TTC39A: variants seen among roughly 807,000 people sequenced by gnomAD.
TTC39A encodes tetratricopeptide repeat domain 39A.
TTC39A carries 46 observed loss-of-function variants against 82.3 expected under a neutral mutation model. The ratio of observed to expected loss-of-function variants is 0.56; its 90% CI spans 0.44 to 0.71. TTC39A has a LOEUF of 0.71. Ranked by LOEUF, TTC39A falls within the 30% of genes least tolerant of loss-of-function variation. TTC39A has a pLI of 0.00. For missense variants in TTC39A, 543 were observed against 712.9 expected (o/e 0.76, Z 2.71); for synonymous variants, 254 against 275.2 (o/e 0.92, Z 0.76).
intron 1 of TTC39A, chr1:51,344,970 G>A: frequency 6.6e-7 from 1 of 1,525,718 alleles, no homozygotes; most frequent in Non-Finnish European, 8.8e-7. Context: ...CTTCCGCCGA[G>A]TCCCCACCCC....
At chr1:51,311,892 A>G (rs1455334424) in intron 4 of TTC39A, among the ~76,000 whole-genome samples, 1 of 152,220 alleles carries the variant, frequency 6.6e-6, no homozygotes, top group African/African-American at 2.4e-5. Flanking sequence ...CTTGACTTGC[A>G]GGTTCTCAGC....
At position 51,312,939 on chromosome 1, in the gene TTC39A, T is replaced by C; in HGVS notation, c.151A>G (p.Lys51Glu). 2 of 1,613,356 alleles carry C rather than the reference T, an allele frequency of 1.2e-6. No individual in the cohort carries two copies. The highest frequency in any genetic ancestry group is 1.7e-6 in the Non-Finnish European group (2 of 1,179,472). ...GTCAGTGAGTGGTACATGCTTTCCT[T>C]GGTTCTGCCAAAGAGAAGAGACGTT... The part of the protein sequence containing the change: ...EALSYLKPRT[K>E]ESMYHSLTYA... The change falls in exon 3 of 18, where the codon AAG becomes GAG. Residue 51 changes from lysine to glutamate, a missense_variant. Physicochemically the swap from Lys to Glu is moderately conservative, Grantham distance 56 (BLOSUM62 1). Transcript: ENST00000680483.
At chr1:51,319,466 T>C (rs1356929691) in intron 2 of TTC39A, among the ~76,000 whole-genome samples, 1 of 152,102 alleles carries the variant, frequency 6.6e-6, no homozygotes, top group Non-Finnish European at 1.5e-5. Context: ...AGAACCCGCA[T>C]AACAATCCAG....
At chr1:51,316,659 C>T (rs903522027) in intron 2 of TTC39A, among the ~76,000 whole-genome samples, 7 of 152,358 alleles carry the variant, frequency 4.6e-5, no homozygotes, top group African/African-American at 1.7e-4. Context: ...TTTCCCCTCT[C>T]CTTATTATCC....
chr1:51,295,910 G>A (rs1028922417), intron 13 of TTC39A, 169 bp downstream of exon 13: 1 of 661,172 alleles, frequency 1.5e-6, no homozygotes. Context: ...GCATGGGGTG[G>A]TGATGGGAGG....
At chr1:51,309,456 C>A in intron 5 of TTC39A, 131 bp from the exon 6 acceptor site, 1 of 1,518,970 alleles carries the variant, frequency 6.6e-7, no homozygotes. Flanking sequence ...CGGAGGTCAG[C>A]CAAACCAGGC....
In TTC39A at chr1:51,330,406, G is replaced by A; in HGVS notation, c.41+31C>T. 2.0e-6 allele frequency: 2 copies of A among 976,432 alleles called. No homozygotes were observed. Among genetic ancestry groups the A allele is most frequent in the Non-Finnish European group, 2.4e-6 (2 of 825,120 alleles). 60.5% of individuals were successfully genotyped at this position (976,432 alleles called of 1,614,324 possible). On this transcript the variant is annotated intron_variant, in intron 1 of 17. Transcript: ENST00000680483. The surrounding 1 kb of genome is among the most constrained non-coding windows in gnomAD (Gnocchi z 4.5). The stretch of plus-strand genomic sequence containing the variant: ...GCCCGGGCCCCAGCCCGCGCCGCCC[G>A]CGCCCCCGGGCCTCCCAGCCGCGCA...
At chr1:51,316,024 G>A (rs112540251) in intron 2 of TTC39A, among the ~76,000 whole-genome samples, 1 of 152,188 alleles carries the variant, frequency 6.6e-6, no homozygotes, top group Non-Finnish European at 1.5e-5. Flanking sequence ...GAGCCCCAGG[G>A]AATGAGGCAG....
At chr1:51,309,160 G>A (rs898834749) in intron 6 of TTC39A, 101 bp downstream of exon 6, 16 of 1,441,102 alleles carry the variant, frequency 1.1e-5, no homozygotes, top group South Asian at 2.8e-5. Context: ...TTCTGGCCTC[G>A]GTTAGTACTC....
rs1241248704 is a variant in TTC39A, at chr1:51,320,400, TTTTC to T, written c.146+1317_146+1320del. Among the ~76,000 whole-genome samples the T allele has an allele frequency of 2.9e-5, 4 of 139,534 alleles. No homozygotes were observed. The East Asian group carries it at 6.2e-4, about 22-fold the overall frequency. The allele number at this position is 139,534 out of a possible 152,430, so 91.5% of individuals were successfully genotyped here. A position where few individuals can be genotyped will look rare whatever the true frequency, so the allele number is the denominator to read the frequency against. ...ATTCTTTCTTTCTTTTCTTTTCTTT[TTTTC>T]TTTTTCTTTTTCTTTTTTTTTTTTT... On this transcript the variant is annotated intron_variant, in intron 2 of 17. Coordinates refer to ENST00000680483, the MANE Select transcript of TTC39A (RefSeq NM_001297663.2).
intron 15 of TTC39A, 148 bp downstream of exon 15, chr1:51,290,365 AG>A: frequency 1.3e-6 from 1 of 796,684 alleles, no homozygotes; most frequent in Non-Finnish European, 2.0e-6. Context: ...CAGGTGGACA[AG>A]GAACAGCTGC....
Position 51,294,591 on chromosome 1 carries a change from C to A in TTC39A, c.1146-80G>T. 2.5e-6 allele frequency: 4 copies of A among 1,583,468 alleles called. No homozygotes were observed. Among genetic ancestry groups the A allele is most frequent in the Non-Finnish European group, 2.6e-6 (3 of 1,164,384 alleles). ...AGGGTCCCCAGCCTACCCAGCTATG[C>A]TTGGCGCCTCTCTGGGCCTCAGTTT... is the stretch of plus-strand genomic sequence containing the variant. On this transcript the variant is annotated intron_variant, in intron 13 of 17. Transcript: ENST00000680483. This position sits in a 1 kb window ranked among gnomAD's most constrained non-coding sequence, Gnocchi z 4.3.
chr1:51,312,865 C>T lies in TTC39A; in HGVS notation c.225G>A (p.Gln75=). 1 of 1,614,002 alleles carries T rather than the reference C, an allele frequency of 6.2e-7. No individual in the cohort carries two copies. The highest frequency in any genetic ancestry group is 8.5e-7 in the Non-Finnish European group (1 of 1,179,872). The change falls in exon 3 of 18, where the codon CAG becomes CAA. Residue 75 remains glutamine (Q), a synonymous_variant. Transcript: ENST00000680483. ...TCATGTTGCCGGCAAGCAGGATGTC[C>T]TGAGGGTCAAAGGTCATCATGGCCT... ...EMQAMMTFDP[Q]DILLAGNMMK...
chr1:51,320,416 CTTTTT>C (rs57261779), intron 2 of TTC39A, among the ~76,000 whole-genome samples: 34 of 79,474 alleles, frequency 4.3e-4, no homozygotes, highest in African/African-American at 1.6e-3. Context: ...TTTTCTTTTT[CTTTTT>C]TTTTTTTTTT....
At chr1:51,336,135 G>A (rs760544999), upstream of TTC39A, among the ~76,000 whole-genome samples, 29 of 152,106 alleles carry the variant, frequency 1.9e-4, 1 homozygote, top group Non-Finnish European at 8.8e-5. Flanking sequence ...TCCTTAAAGC[G>A]AGTGAGCCCC....
Position 51,290,077 on chromosome 1 carries a change from A to C in TTC39A, c.1421T>G (p.Leu474Trp). ...CAGGTATTTCAGACACAGGCCTTTC[A>C]ACAATTTCACCAAGCACTCGTCATC... The part of the protein sequence containing the change: ...SVDDECLVKL[L>W]KGLCLKYLGR... The change falls in exon 16 of 18, where the codon TTG (leucine) becomes TGG (tryptophan). Residue 474 changes from leucine (L) to tryptophan (W), a missense_variant. Leu to Trp is a moderately conservative substitution (Grantham distance 61, BLOSUM62 -2). Coordinates refer to ENST00000680483, the MANE Select transcript of TTC39A (RefSeq NM_001297663.2). 1.9e-6 allele frequency: 3 copies of C among 1,613,950 alleles called. No individual in the cohort carries two copies. The highest frequency in any genetic ancestry group is 2.5e-6 in the Non-Finnish European group (3 of 1,179,868).
intron 1 of TTC39A, among the ~76,000 whole-genome samples, chr1:51,340,513 C>T (rs764581613): frequency 6.6e-6 from 1 of 152,178 alleles, no homozygotes; most frequent in African/African-American, 2.4e-5. Flanking sequence ...CTGCCCTCCT[C>T]CCTCATCACC....
Position 51,302,441 on chromosome 1 carries a change from G to A in TTC39A, c.832-25C>T, listed in dbSNP as rs368722691. On this transcript the variant is annotated intron_variant, in intron 10 of 17. Transcript: ENST00000680483. ...CCTGCAATGACACACATGTAAGTCC[G>A]TGTGGGTCCGTGGGGTCTGTGGGTG... 1.7e-5 allele frequency: 27 copies of A among 1,607,024 alleles called. No individual in the cohort carries two copies. In the East Asian group the frequency reaches 2.5e-4, roughly 15 times the overall value.
chr1:51,326,718 C>G (rs1645724783), intron 1 of TTC39A, among the ~76,000 whole-genome samples: 1 of 152,198 alleles, frequency 6.6e-6, no homozygotes. Context: ...TCTGTGGAAG[C>G]AACAGCGCCA....
Sources: allele counts gnomAD v4.1 joint callset (sites outside exome capture counted in the v4.1 genomes callset), GRCh38; gene constraint gnomAD v4.1.1; non-coding constraint Gnocchi (gnomAD v3.1); transcripts MANE v1.5; gene names NCBI Gene and HGNC (gene_info 2026-07-23, HGNC 2026-07-21).